TNIK: variants seen among roughly 807,000 people sequenced by gnomAD.
TNIK encodes the protein TRAF2 and NCK interacting kinase, also known as TRAF2 and NCK-interacting protein kinase.
TNIK carries 49 observed loss-of-function variants against 191.3 expected under a neutral mutation model. The ratio of observed to expected loss-of-function variants is 0.26; its 90% CI spans 0.20 to 0.32. The LOEUF (loss-of-function observed/expected upper bound fraction) is 0.32. TNIK is among the 10% of genes least tolerant of loss of function. TNIK has a pLI of 1.00. For missense variants in TNIK, 1,155 were observed against 1,702.3 expected (o/e 0.68, Z 5.66); for synonymous variants, 594 against 600.9 (o/e 0.99, Z 0.17).
intron 1 of TNIK, among the ~76,000 whole-genome samples, chr3:171,398,746 C>T (rs939320657): frequency 5.3e-5 from 8 of 152,214 alleles, no homozygotes; most frequent in African/African-American, 1.9e-4. Flanking sequence ...TACATTCTAC[C>T]TATGGGAGTG....
chr3:171,353,170 T>C (rs896537589), intron 2 of TNIK, among the ~76,000 whole-genome samples: 5 of 152,196 alleles, frequency 3.3e-5, no homozygotes, highest in Non-Finnish European at 7.4e-5. Flanking sequence ...ATAGTAGTCT[T>C]CAGTTAAACC....
intron 2 of TNIK, among the ~76,000 whole-genome samples, chr3:171,264,860 A>T (rs940804644): frequency 6.6e-6 from 1 of 152,216 alleles, no homozygotes; most frequent in Non-Finnish European, 1.5e-5. Context: ...AGAGGCCCAG[A>T]AACACTGTGG....
chr3:171,431,670 A>G (rs1322823039), intron 1 of TNIK, among the ~76,000 whole-genome samples: 2 of 152,240 alleles, frequency 1.3e-5, no homozygotes, highest in Admixed American at 6.5e-5. Context: ...TTCATATATC[A>G]GTTTGTTTAA....
At chr3:171,400,609 C>T (rs1720819822) in intron 1 of TNIK, among the ~76,000 whole-genome samples, 1 of 85,754 alleles carries the variant, frequency 1.2e-5, no homozygotes, top group Admixed American at 9.7e-5. Flanking sequence ...GTGCTAGATC[C>T]AGACCCCAGC....
intron 2 of TNIK, among the ~76,000 whole-genome samples, chr3:171,323,452 A>T (rs1426913718): frequency 6.6e-6 from 1 of 152,182 alleles, no homozygotes; most frequent in Non-Finnish European, 1.5e-5. Context: ...CACCGCATGG[A>T]TTACGTTGCC....
chr3:171,279,562 G>A (rs1367010016), intron 2 of TNIK, among the ~76,000 whole-genome samples: 1 of 152,142 alleles, frequency 6.6e-6, no homozygotes, highest in Non-Finnish European at 1.5e-5. Context: ...CTGGCTATTG[G>A]CATCCATTTC....
rs1485878344 is a variant in TNIK at position 171,084,127 on chromosome 3, A to T, written c.3169+28T>A. ...GTTCATTAATGAGTGGTTATTTAAA[A>T]AAAAAAAAAAAAAAAGCACCAACAT... On this transcript the variant is annotated intron_variant, in intron 26 of 32. Coordinates refer to ENST00000436636, the MANE Select transcript of TNIK (RefSeq NM_015028.4). 5 of 1,348,604 alleles carry T rather than the reference A, an allele frequency of 3.7e-6. No homozygotes were observed. The East Asian group carries it at 7.9e-5, about 21-fold the overall frequency. 83.5% of individuals were successfully genotyped at this position (1,348,604 alleles called of 1,614,324 possible).
chr3:171,301,941 A>AT (rs1752928329), intron 2 of TNIK, among the ~76,000 whole-genome samples: 1 of 152,138 alleles, frequency 6.6e-6, no homozygotes, highest in Non-Finnish European at 1.5e-5. Context: ...GTTCAGGGGA[A>AT]AAAATTTGTG....
chr3:171,081,640 C>T (rs1382431644), intron 27 of TNIK, among the ~76,000 whole-genome samples: 1 of 150,962 alleles, frequency 6.6e-6, no homozygotes, highest in Non-Finnish European at 1.5e-5. Flanking sequence ...AACAAAACTA[C>T]CCTCTTTTAG....
chr3:171,333,584 G>GGAAAAAA (rs1756633316), intron 2 of TNIK, among the ~76,000 whole-genome samples: 1 of 114,246 alleles, frequency 8.8e-6, no homozygotes, highest in African/African-American at 3.1e-5. Flanking sequence ...CAAAAAGAAA[G>GGAAAAAA]AAAAAAAAAA....
chr3:171,119,790 C>T (rs573565399), intron 18 of TNIK, among the ~76,000 whole-genome samples: 1 of 151,240 alleles, frequency 6.6e-6, no homozygotes, highest in African/African-American at 2.4e-5. Context: ...CATACCGGGG[C>T]CTGTTGTGGG....
At chr3:171,121,612 C>T (rs1727764108) in intron 18 of TNIK, among the ~76,000 whole-genome samples, 1 of 152,224 alleles carries the variant, frequency 6.6e-6, no homozygotes, top group Non-Finnish European at 1.5e-5. Flanking sequence ...AGCAGCTGAA[C>T]TCCTTAGCCA....
At chr3:171,169,900 T>G (rs1305271701) in intron 9 of TNIK, among the ~76,000 whole-genome samples, 1 of 152,250 alleles carries the variant, frequency 6.6e-6, no homozygotes, top group Non-Finnish European at 1.5e-5. Context: ...ATTTCATATC[T>G]TCTTCAAGTG....
intron 19 of TNIK, among the ~76,000 whole-genome samples, chr3:171,109,951 C>T (rs1725595354): frequency 6.6e-6 from 1 of 151,658 alleles, no homozygotes; most frequent in Non-Finnish European, 1.5e-5. Flanking sequence ...GTTGCCAAGG[C>T]TGGAGTACAA....
At chr3:171,168,714 T>G (rs941238667) in intron 9 of TNIK, among the ~76,000 whole-genome samples, 1 of 152,172 alleles carries the variant, frequency 6.6e-6, no homozygotes, top group African/African-American at 2.4e-5. Context: ...GGACTAGAAA[T>G]AGTGACAGCA....
At chr3:171,303,132 A>G (rs947889840) in intron 2 of TNIK, among the ~76,000 whole-genome samples, 7 of 152,212 alleles carry the variant, frequency 4.6e-5, no homozygotes, top group Non-Finnish European at 1.5e-5. Flanking sequence ...CGTAAAAAAT[A>G]ATATTCCTCC....
chr3:171,421,181 T>C (rs1723746740), intron 1 of TNIK, among the ~76,000 whole-genome samples: 1 of 152,190 alleles, frequency 6.6e-6, no homozygotes. Flanking sequence ...ATAAACTAAG[T>C]GCCTTTGATA....
chr3:171,213,586 A>G (rs1741119098), intron 3 of TNIK, among the ~76,000 whole-genome samples: 1 of 152,194 alleles, frequency 6.6e-6, no homozygotes, highest in African/African-American at 2.4e-5. Flanking sequence ...AGCTTATAAA[A>G]CAGTTAAATA....
chr3:171,123,074 C>T (rs1191985567), intron 18 of TNIK, among the ~76,000 whole-genome samples: 2 of 152,344 alleles, frequency 1.3e-5, no homozygotes, highest in African/African-American at 4.8e-5. Flanking sequence ...GCCAAAGAGG[C>T]AACTTCCTCG....
Sources: gnomAD v4.1 joint callset for allele counts (sites outside exome capture counted in the v4.1 genomes callset) on GRCh38, gnomAD v4.1.1 for gene constraint, MANE v1.5 for transcripts, NCBI Gene and HGNC (gene_info 2026-07-23, HGNC 2026-07-21) for gene names.